CDKAL1: variants seen among roughly 807,000 people sequenced by gnomAD.
The protein encoded by CDKAL1 is threonylcarbamoyladenosine tRNA methylthiotransferase.
Under a neutral mutation model 68.2 loss-of-function variants are expected in CDKAL1, and 32 were observed. The observed-to-expected ratio is 0.47, with a 90% CI of 0.35 to 0.63. The LOEUF (loss-of-function observed/expected upper bound fraction) is 0.63, where lower values mean the gene tolerates loss of function less well. Ranked by LOEUF, CDKAL1 falls within the 30% of genes least tolerant of loss-of-function variation. CDKAL1 has a pLI of 0.00. For missense variants in CDKAL1, 606 were observed against 696.7 expected, an observed-to-expected ratio of 0.87 and a Z score of 1.47; for synonymous variants, 234 against 244.3, an observed-to-expected ratio of 0.96 and a Z score of 0.39.
intron 13 of CDKAL1, among the ~76,000 whole-genome samples, chr6:21,190,374 T>G (rs566985239): frequency 6.0e-5 from 8 of 134,290 alleles, no homozygotes; most frequent in African/African-American, 2.2e-4. Flanking sequence ...GTTTTTTTTG[T>G]TTTTTTTTTT....
intron 13 of CDKAL1, among the ~76,000 whole-genome samples, chr6:21,188,061 C>G (rs1259840282): frequency 6.6e-6 from 1 of 152,048 alleles, no homozygotes; most frequent in Non-Finnish European, 1.5e-5. Flanking sequence ...GCTTTTTTAG[C>G]AGTTTGTTTT....
intron 9 of CDKAL1, among the ~76,000 whole-genome samples, chr6:20,922,786 A>G (rs1297940370): frequency 1.3e-5 from 2 of 152,214 alleles, no homozygotes; most frequent in Non-Finnish European, 2.9e-5. Context: ...CATTGCAAAA[A>G]GTTTGTTTTA....
intron 4 of CDKAL1, among the ~76,000 whole-genome samples, chr6:20,587,741 CAA>C (rs1248506709): frequency 6.8e-6 from 1 of 146,580 alleles, no homozygotes; most frequent in Non-Finnish European, 1.5e-5. Context: ...TGAAAACAAA[CAA>C]ACAAACAAAC....
intron 7 of CDKAL1, among the ~76,000 whole-genome samples, chr6:20,761,870 C>A (rs934535621): frequency 6.6e-6 from 1 of 152,062 alleles, no homozygotes; most frequent in African/African-American, 2.4e-5. Flanking sequence ...TTGTTTAAAT[C>A]CTTAGAATGA....
intron 11 of CDKAL1, among the ~76,000 whole-genome samples, chr6:21,041,873 C>T (rs1351844131): frequency 6.6e-6 from 1 of 152,044 alleles, no homozygotes; most frequent in Admixed American, 6.5e-5. Flanking sequence ...AGTAAAATTG[C>T]TTTTGATAAA....
chr6:20,617,048 A>AG (rs1279636517), intron 4 of CDKAL1, among the ~76,000 whole-genome samples: 2 of 151,518 alleles, frequency 1.3e-5, no homozygotes, highest in East Asian at 1.9e-4. Context: ...CAGAAGAAAA[A>AG]AAAAAAAGCC....
chr6:21,135,498 T>C (rs1480408515), intron 13 of CDKAL1: 1 of 155,054 alleles, frequency 6.4e-6, no homozygotes, highest in Non-Finnish European at 1.4e-5. Context: ...AAATGATGAA[T>C]ACATGTGTTT....
At chr6:20,947,507 CTT>C (rs1422192722) in intron 9 of CDKAL1, among the ~76,000 whole-genome samples, 3 of 151,762 alleles carry the variant, frequency 2.0e-5, no homozygotes, top group African/African-American at 7.2e-5. Context: ...GGCAGGATCA[CTT>C]GAGTCCAGGA....
At chr6:21,092,105 C>T (rs1773057130) in intron 12 of CDKAL1, among the ~76,000 whole-genome samples, 1 of 150,434 alleles carries the variant, frequency 6.6e-6, no homozygotes, top group African/African-American at 2.4e-5. Context: ...CCAGGATGGT[C>T]TCGATCTCCT....
chr6:20,676,293 A>G (rs1562017766), intron 5 of CDKAL1, among the ~76,000 whole-genome samples: 1 of 152,132 alleles, frequency 6.6e-6, no homozygotes, highest in Non-Finnish European at 1.5e-5. Context: ...CATTCACTCA[A>G]CACTCACCCA....
At chr6:21,084,309 C>T (rs542471462) in intron 12 of CDKAL1, among the ~76,000 whole-genome samples, 1 of 152,034 alleles carries the variant, frequency 6.6e-6, no homozygotes, top group South Asian at 2.1e-4. Context: ...TATACAGTGA[C>T]GGAGGAGCAA....
intron 15 of CDKAL1, among the ~76,000 whole-genome samples, chr6:21,206,525 C>T (rs1362441416): frequency 6.6e-6 from 1 of 152,004 alleles, no homozygotes; most frequent in Admixed American, 6.6e-5. Context: ...CTATTCTTTG[C>T]CTGGTACGAG....
At chr6:20,835,693 G>A (rs759344078) in intron 8 of CDKAL1, among the ~76,000 whole-genome samples, 120 of 152,060 alleles carry the variant, frequency 7.9e-4, no homozygotes, top group Non-Finnish European at 1.3e-3. Context: ...GATTACAGGC[G>A]TGCGCCACCA....
intron 9 of CDKAL1, among the ~76,000 whole-genome samples, chr6:20,920,161 T>G (rs1472060027): frequency 2.0e-5 from 3 of 152,180 alleles, no homozygotes; most frequent in Non-Finnish European, 4.4e-5. Flanking sequence ...ACTAAGTAGT[T>G]GAAAGATCAA....
At chr6:21,130,044 G>A (rs1775221746) in intron 13 of CDKAL1, among the ~76,000 whole-genome samples, 1 of 151,696 alleles carries the variant, frequency 6.6e-6, no homozygotes, top group Admixed American at 6.6e-5. Context: ...CTCACCACAG[G>A]GTGTTTGTTT....
chr6:20,901,403 T>C (rs113643028), intron 9 of CDKAL1, among the ~76,000 whole-genome samples: 1 of 151,846 alleles, frequency 6.6e-6, no homozygotes, highest in Non-Finnish European at 1.5e-5. Context: ...GGCCAGGCGC[T>C]GTGGCTCACA....
chr6:20,838,416 A>G (rs1420254528), intron 8 of CDKAL1, among the ~76,000 whole-genome samples: 1 of 152,056 alleles, frequency 6.6e-6, no homozygotes, highest in Non-Finnish European at 1.5e-5. Flanking sequence ...AGCTGTCTCT[A>G]CTGCTGTCTT....
At chr6:20,911,402 GA>G (rs1346693185) in intron 9 of CDKAL1, among the ~76,000 whole-genome samples, 2 of 152,220 alleles carry the variant, frequency 1.3e-5, no homozygotes, top group African/African-American at 4.8e-5. Context: ...GCGCTCTGTT[GA>G]GTTAGATTGT....
At chr6:21,116,326 G>A (rs1774409142) in intron 13 of CDKAL1, among the ~76,000 whole-genome samples, 1 of 152,138 alleles carries the variant, frequency 6.6e-6, no homozygotes, top group Non-Finnish European at 1.5e-5. Context: ...GATTGACAAA[G>A]AGATTGAAAT....
Sources: allele counts gnomAD v4.1 joint callset (sites outside exome capture counted in the v4.1 genomes callset), GRCh38; gene constraint gnomAD v4.1.1; transcripts MANE v1.5; gene names NCBI Gene and HGNC (gene_info 2026-07-23, HGNC 2026-07-21).